CACNA2D1: variants seen among roughly 807,000 people sequenced by gnomAD.
CACNA2D1 encodes the protein voltage-dependent calcium channel subunit alpha-2/delta-1.
In CACNA2D1, 53 loss-of-function variants were observed where a neutral mutation model predicts 171.5. The ratio of observed to expected loss-of-function variants is 0.31; its 90% CI spans 0.25 to 0.39. The LOEUF (loss-of-function observed/expected upper bound fraction) is 0.39, where lower values mean the gene tolerates loss of function less well. Ranked by LOEUF, CACNA2D1 falls within the 10% of genes least tolerant of loss-of-function variation. CACNA2D1 has a pLI of 1.00. For synonymous variants in CACNA2D1, 442 were observed against 443.1 expected (o/e 1.00, Z 0.03); for missense variants, 903 against 1,299.8 (o/e 0.69, Z 4.69).
chr7:82,402,956 G>C (rs1470288381), intron 1 of CACNA2D1, among the ~76,000 whole-genome samples: 1 of 151,934 alleles, frequency 6.6e-6, no homozygotes, highest in Non-Finnish European at 1.5e-5. Flanking sequence ...ATGTGGCAAA[G>C]GCTTGACCTT....
At chr7:82,253,202 T>A (rs933828215) in intron 3 of CACNA2D1, among the ~76,000 whole-genome samples, 1 of 152,234 alleles carries the variant, frequency 6.6e-6, no homozygotes, top group Admixed American at 6.5e-5. Flanking sequence ...ATTACAGAAT[T>A]TGGGATAGAA....
chr7:82,262,289 C>T (rs763756197), intron 3 of CACNA2D1, among the ~76,000 whole-genome samples: 7 of 152,166 alleles, frequency 4.6e-5, no homozygotes, highest in Admixed American at 1.3e-4. Context: ...CGAGATGGTG[C>T]CACTGCACTC....
At chr7:82,384,917 A>C (rs1293713565) in intron 1 of CACNA2D1, among the ~76,000 whole-genome samples, 2 of 152,234 alleles carry the variant, frequency 1.3e-5, no homozygotes, top group African/African-American at 4.8e-5. Flanking sequence ...TGATGTAAGA[A>C]TCAATTAATG....
chr7:82,419,292 T>C (rs1352292654), intron 1 of CACNA2D1, among the ~76,000 whole-genome samples: 1 of 152,098 alleles, frequency 6.6e-6, no homozygotes, highest in African/African-American at 2.4e-5. Context: ...CTTTCCCAGG[T>C]GAAACAAATA....
At chr7:82,145,128 G>C (rs903476254) in intron 4 of CACNA2D1, among the ~76,000 whole-genome samples, 2 of 150,730 alleles carry the variant, frequency 1.3e-5, no homozygotes, top group African/African-American at 4.9e-5. Flanking sequence ...CAGTTAAACT[G>C]AGTCTTCTTA....
At chr7:82,206,093 T>A (rs1242714818) in intron 3 of CACNA2D1, among the ~76,000 whole-genome samples, 1 of 152,080 alleles carries the variant, frequency 6.6e-6, no homozygotes, top group Non-Finnish European at 1.5e-5. Flanking sequence ...AAATATGTAC[T>A]TAACAAAATA....
At chr7:82,015,977 T>A (rs1271326374) in intron 12 of CACNA2D1, among the ~76,000 whole-genome samples, 1 of 152,222 alleles carries the variant, frequency 6.6e-6, no homozygotes, top group African/African-American at 2.4e-5. Context: ...AGAGGCCACA[T>A]GGTGAACATA....
intron 3 of CACNA2D1, among the ~76,000 whole-genome samples, chr7:82,275,237 T>C (rs935245932): frequency 3.3e-5 from 5 of 152,212 alleles, no homozygotes; most frequent in Admixed American, 3.3e-4. Context: ...TCCTTGCCTC[T>C]GTCATGTAGT....
At chr7:82,432,099 G>A (rs1829739012) in intron 1 of CACNA2D1, among the ~76,000 whole-genome samples, 1 of 148,780 alleles carries the variant, frequency 6.7e-6, no homozygotes, top group Non-Finnish European at 1.5e-5. Flanking sequence ...TACAGAAGGA[G>A]CTCAAAAATG....
intron 4 of CACNA2D1, among the ~76,000 whole-genome samples, chr7:82,138,610 C>A (rs1343114567): frequency 6.6e-6 from 1 of 151,832 alleles, no homozygotes; most frequent in Non-Finnish European, 1.5e-5. Context: ...CCATGCCCCG[C>A]TAATTTTTTG....
intron 2 of CACNA2D1, among the ~76,000 whole-genome samples, chr7:82,348,330 C>A (rs139856101): frequency 6.6e-6 from 1 of 152,198 alleles, no homozygotes; most frequent in African/African-American, 2.4e-5. Context: ...TCCCAAGCAT[C>A]GGCACACAAT....
intron 38 of CACNA2D1, among the ~76,000 whole-genome samples, chr7:81,956,267 C>A (rs1201936885): frequency 6.6e-6 from 1 of 151,822 alleles, no homozygotes; most frequent in African/African-American, 2.4e-5. Flanking sequence ...AACCACTGCA[C>A]CCAGCCGTTG....
Position 81,950,372 on chromosome 7 carries a change from C to T in CACNA2D1, c.*20G>A, listed in dbSNP as rs887563392. 2 of 1,612,928 alleles carry T rather than the reference C, an allele frequency of 1.2e-6. No homozygotes were observed. The highest frequency in any genetic ancestry group is 1.7e-4 in the Middle Eastern group (1 of 6,048). On this transcript the variant is annotated 3_prime_UTR_variant, in exon 39 of 39. Coordinates refer to ENST00000356860, the MANE Select transcript of CACNA2D1 (RefSeq NM_000722.4). The stretch of plus-strand genomic sequence containing the variant: ...TGGCAGGGTCTGGAGTTTAACTATG[C>T]AGATTTGGTTTTTAGAAGGTCATAA...
chr7:81,997,269 T>G lies in CACNA2D1; in HGVS notation c.1591-19A>C. 1 of 1,467,330 alleles carries G rather than the reference T, an allele frequency of 6.8e-7. No homozygotes were observed. The highest frequency in any genetic ancestry group is 9.6e-7 in the Non-Finnish European group (1 of 1,046,468). The allele number at this position is 1,467,330 out of a possible 1,614,324, so 90.9% of individuals were successfully genotyped here. ...TGGGGTTCTACACAGAAAACAATAATAATTAGGTACATGTAACATTATACA... is the reference window on the plus strand; with the variant it reads ...TGGGGTTCTACACAGAAAACAATAAGAATTAGGTACATGTAACATTATACA... On this transcript the variant is annotated intron_variant, in intron 18 of 38. Coordinates refer to ENST00000356860, the MANE Select transcript of CACNA2D1 (RefSeq NM_000722.4).
Position 81,950,514 on chromosome 7 carries a change from G to C in CACNA2D1, c.3160-6C>G. 1.2e-6 allele frequency: 2 copies of C among 1,600,278 alleles called. No homozygotes were observed. The highest frequency in any genetic ancestry group is 1.7e-6 in the Non-Finnish European group (2 of 1,173,956). ...CCACAGTCAGTATAATCCTCCTGTT[G>C]TTAAAAAAAAAAGAAAAGAACAGAA... On this transcript the variant is annotated splice_polypyrimidine_tract_variant and splice_region_variant and intron_variant, in intron 38 of 38. Coordinates refer to ENST00000356860, the MANE Select transcript of CACNA2D1 (RefSeq NM_000722.4).
intron 3 of CACNA2D1, among the ~76,000 whole-genome samples, chr7:82,188,809 C>T (rs1798014505): frequency 2.0e-5 from 3 of 152,040 alleles, no homozygotes; most frequent in Non-Finnish European, 4.4e-5. Context: ...AAATGTGGTA[C>T]ATGTATATCT....
Position 82,005,509 on chromosome 7 carries a change from A to G in CACNA2D1, c.1516-12T>C. Reference sequence around the variant, plus strand: ...CCATTGGGGCACAGCTGGAAAAGAAAAAAAAAAAAAAGCTTGGATATGCCT... The same window carrying G: ...CCATTGGGGCACAGCTGGAAAAGAAGAAAAAAAAAAAGCTTGGATATGCCT... On this transcript the variant is annotated splice_polypyrimidine_tract_variant and intron_variant, in intron 17 of 38. Transcript: ENST00000356860. 6.6e-7 allele frequency: 1 copy of G among 1,503,968 alleles called. No homozygotes were observed. The allele number at this position is 1,503,968 out of a possible 1,614,324, so 93.2% of individuals were successfully genotyped here. A position where few individuals can be genotyped will look rare whatever the true frequency, so the allele number is the denominator to read the frequency against.
intron 3 of CACNA2D1, among the ~76,000 whole-genome samples, chr7:82,231,117 TTTG>T (rs1209758990): frequency 1.3e-5 from 2 of 152,230 alleles, no homozygotes; most frequent in African/African-American, 2.4e-5. Context: ...CGCCCTTCCT[TTTG>T]TTGTTTGTGC....
intron 1 of CACNA2D1, among the ~76,000 whole-genome samples, chr7:82,357,634 C>G (rs1201681266): frequency 3.4e-5 from 5 of 144,932 alleles, no homozygotes; most frequent in Non-Finnish European, 7.5e-5. Context: ...CAATTTATTC[C>G]ACTAGCAATT....
Sources: allele counts gnomAD v4.1 joint callset (sites outside exome capture counted in the v4.1 genomes callset), GRCh38; gene constraint gnomAD v4.1.1; transcripts MANE v1.5; gene names NCBI Gene and HGNC (gene_info 2026-07-23, HGNC 2026-07-21).